The following ZMAT4 variants were observed in gnomAD, a reference collection of about 807,000 sequenced individuals.
ZMAT4 encodes zinc finger matrin-type protein 4.
A neutral mutation model predicts 28.7 loss-of-function variants in ZMAT4; 17 were observed. The observed-to-expected ratio is 0.59, with a 90% CI of 0.41 to 0.89. The LOEUF is 0.89. Among genes scored for constraint, ZMAT4 ranks in the 40% least tolerant of loss-of-function variants. The pLI is 0.00. For synonymous variants in ZMAT4, 117 were observed against 109.2 expected, an observed-to-expected ratio of 1.07 and a Z score of -0.44; for missense variants, 240 against 283.8, an observed-to-expected ratio of 0.85 and a Z score of 1.11.
At chr8:40,831,992 C>T (rs746937904) in intron 1 of ZMAT4, among the ~76,000 whole-genome samples, 2 of 152,154 alleles carry the variant, frequency 1.3e-5, no homozygotes, top group Non-Finnish European at 2.9e-5. Flanking sequence ...TGAGAAGACT[C>T]AGGGTTAGCA....
chr8:40,829,231 A>G (rs1298685039), intron 1 of ZMAT4, among the ~76,000 whole-genome samples: 2 of 152,230 alleles, frequency 1.3e-5, no homozygotes, highest in East Asian at 1.9e-4. Context: ...AGAAAGCACC[A>G]TCTGTACTCC....
chr8:40,867,663 C>G (rs891424770), intron 1 of ZMAT4, among the ~76,000 whole-genome samples: 4 of 152,198 alleles, frequency 2.6e-5, no homozygotes, highest in Admixed American at 2.6e-4. Context: ...CTGGAAGTCT[C>G]CTTCTCAGAT....
At chr8:40,654,976 G>A (rs1008023249) in intron 5 of ZMAT4, among the ~76,000 whole-genome samples, 2 of 151,428 alleles carry the variant, frequency 1.3e-5, no homozygotes, top group Admixed American at 1.3e-4. Context: ...TTAAATAAAA[G>A]GCATCCATAT....
chr8:40,878,027 C>T lies in ZMAT4; in HGVS notation c.-5+19656G>A, dbSNP rs370728947. On this transcript the variant is annotated intron_variant, in intron 1 of 6. Coordinates refer to ENST00000297737, the MANE Select transcript of ZMAT4 (RefSeq NM_024645.3). ...GAGGATTTTAGGGAGCTCATTCTGG[C>T]ACCCAGAGTAATGAAAGAATAACAC... Among the ~76,000 whole-genome samples, 9 of 152,192 alleles carry T rather than the reference C, an allele frequency of 5.9e-5. No individual in the cohort carries two copies. In the South Asian group the frequency reaches 6.2e-4, roughly 10 times the overall value.
chr8:40,612,548 C>G lies in ZMAT4; in HGVS notation c.578-31287G>C, dbSNP rs1805837563. Among the ~76,000 whole-genome samples the G allele has an allele frequency of 1.5e-5, 2 of 137,342 alleles. 1 individual carries two copies. Among genetic ancestry groups the G allele is most frequent in the Non-Finnish European group, 3.4e-5 (2 of 59,200 alleles). The allele number at this position is 137,342 out of a possible 152,430, so 90.1% of individuals were successfully genotyped here. A position where few individuals can be genotyped will look rare whatever the true frequency, so the allele number is the denominator to read the frequency against. ...CTTATCTTGTCACTGATTTTTTCCA[C>G]TCATAGACTTCTGTCATGACCTTGT... is the stretch of plus-strand genomic sequence containing the variant. On this transcript the variant is annotated intron_variant, in intron 5 of 6. Transcript: ENST00000297737.
chr8:40,875,210 C>T (rs1233404479), intron 1 of ZMAT4, among the ~76,000 whole-genome samples: 1 of 152,136 alleles, frequency 6.6e-6, no homozygotes. Context: ...CATAATTGAC[C>T]CCTTGAGTCC....
chr8:40,721,458 T>C (rs1396955835), intron 3 of ZMAT4, among the ~76,000 whole-genome samples: 3 of 145,996 alleles, frequency 2.1e-5, no homozygotes, highest in Admixed American at 1.4e-4. Flanking sequence ...TGTGTCTTTA[T>C]AGCAGCATGA....
intron 4 of ZMAT4, among the ~76,000 whole-genome samples, chr8:40,696,796 CT>C (rs1809907549): frequency 6.6e-6 from 1 of 152,118 alleles, no homozygotes. Context: ...GTTTTCCTTT[CT>C]TTTCCTCCCA....
chr8:40,763,512 T>A (rs1456681207), intron 3 of ZMAT4, among the ~76,000 whole-genome samples: 1 of 152,152 alleles, frequency 6.6e-6, no homozygotes, highest in East Asian at 1.9e-4. Context: ...CCAGCCACTA[T>A]TTTTACCCTG....
At position 40,754,887 on chromosome 8, in the gene ZMAT4, C is replaced by T. The variant is rs142406079; in HGVS notation, c.192+12754G>A. 1.8e-3 allele frequency among the ~76,000 whole-genome samples: 279 copies of T among 152,118 alleles called. 1 individual carries two copies. The highest frequency in any genetic ancestry group is 5.5e-3 in the African/African-American group (230 of 41,512). On this transcript the variant is annotated intron_variant, in intron 3 of 6. Transcript: ENST00000297737. ...AAAAATTTAAAAATTAGCTGGTTGC[C>T]GTGATGCATGCCTGTGGTCTGCGTA...
intron 3 of ZMAT4, among the ~76,000 whole-genome samples, chr8:40,712,741 G>T (rs1360692336): frequency 6.6e-6 from 1 of 152,182 alleles, no homozygotes; most frequent in Non-Finnish European, 1.5e-5. Flanking sequence ...GTAGCAAGGA[G>T]CAGGAAAAGA....
At chr8:40,649,541 C>T (rs553087854) in intron 5 of ZMAT4, among the ~76,000 whole-genome samples, 240 of 152,140 alleles carry the variant, frequency 1.6e-3, no homozygotes, top group African/African-American at 5.4e-3. Context: ...ACAAGGATAC[C>T]GAGGAATTGA....
chr8:40,638,637 A>C (rs1806885761), intron 5 of ZMAT4, among the ~76,000 whole-genome samples: 2 of 152,246 alleles, frequency 1.3e-5, no homozygotes, highest in South Asian at 4.1e-4. Context: ...AGAGGAAACA[A>C]GTGCATTCAT....
chr8:40,738,898 A>G (rs1209851916), intron 3 of ZMAT4, among the ~76,000 whole-genome samples: 2 of 152,146 alleles, frequency 1.3e-5, no homozygotes, highest in Non-Finnish European at 2.9e-5. Context: ...TGTACACAAA[A>G]CGTATCGTGT....
intron 2 of ZMAT4, among the ~76,000 whole-genome samples, chr8:40,799,294 T>A (rs564440412): frequency 6.6e-6 from 1 of 152,320 alleles, no homozygotes; most frequent in South Asian, 2.1e-4. Flanking sequence ...GAGAGACAGA[T>A]AGATATCCAA....
chr8:40,598,655 A>G (rs535597333), intron 5 of ZMAT4, among the ~76,000 whole-genome samples: 228 of 152,266 alleles, frequency 1.5e-3, no homozygotes, highest in African/African-American at 5.0e-3. Flanking sequence ...GCTCTTGTGA[A>G]TAGTGCTGCA....
rs1005551999 is a variant in ZMAT4 at position 40,754,888 on chromosome 8, G to A, written c.192+12753C>T. Among the ~76,000 whole-genome samples the A allele has an allele frequency of 3.0e-4, 46 of 152,250 alleles. 1 individual carries two copies. The highest frequency in any genetic ancestry group is 9.4e-4 in the African/African-American group (39 of 41,540). On this transcript the variant is annotated intron_variant, in intron 3 of 6. Coordinates refer to ENST00000297737, the MANE Select transcript of ZMAT4 (RefSeq NM_024645.3). Reference sequence around the variant, plus strand: ...AAAATTTAAAAATTAGCTGGTTGCCGTGATGCATGCCTGTGGTCTGCGTAA... The same window carrying A: ...AAAATTTAAAAATTAGCTGGTTGCCATGATGCATGCCTGTGGTCTGCGTAA...
intron 3 of ZMAT4, among the ~76,000 whole-genome samples, chr8:40,764,625 C>A (rs1212549549): frequency 1.3e-5 from 2 of 152,100 alleles, no homozygotes; most frequent in African/African-American, 4.8e-5. Flanking sequence ...GGATGCAAAC[C>A]TCTCACAGCC....
intron 5 of ZMAT4, among the ~76,000 whole-genome samples, chr8:40,617,239 A>C (rs1806040960): frequency 1.3e-5 from 2 of 152,226 alleles, no homozygotes; most frequent in Admixed American, 6.5e-5. Flanking sequence ...GAATTTAGGG[A>C]AAGGCAAAAG....
Sources: allele counts gnomAD v4.1 joint callset (sites outside exome capture counted in the v4.1 genomes callset), GRCh38; gene constraint gnomAD v4.1.1; transcripts MANE v1.5; gene names NCBI Gene and HGNC (gene_info 2026-07-23, HGNC 2026-07-21).